The following MOK variants were observed in gnomAD, a reference collection of about 807,000 sequenced individuals.
MOK encodes MAPK/MAK/MRK overlapping kinase.
MOK carries 59 observed loss-of-function variants against 54.2 expected under a neutral mutation model. The ratio of observed to expected loss-of-function variants is 1.09; its 90% CI spans 0.88 to 1.35. MOK has a LOEUF of 1.35. Among genes scored for constraint, MOK ranks in the 40% most tolerant of loss-of-function variants. MOK has a pLI of 0.00. For missense variants in MOK, 517 were observed against 526.2 expected, an observed-to-expected ratio of 0.98 and a Z score of 0.17; for synonymous variants, 210 against 202.7, an observed-to-expected ratio of 1.04 and a Z score of -0.31.
chr14:102,282,603 G>A (rs1458990666), intron 2 of MOK, among the ~76,000 whole-genome samples: 1 of 151,990 alleles, frequency 6.6e-6, no homozygotes, highest in Non-Finnish European at 1.5e-5. Context: ...GGCGTGTGGT[G>A]TGCTCCTGTG....
intron 4 of MOK, 45 bp downstream of exon 4, chr14:102,263,501 C>T: frequency 7.3e-7 from 1 of 1,367,178 alleles, no homozygotes; most frequent in Non-Finnish European, 1.0e-6. Context: ...GAATTACAAG[C>T]CTTAAAAGAG....
At position 102,229,271 on chromosome 14, in the gene MOK, G is replaced by A; in HGVS notation, c.*18C>T. On this transcript the variant is annotated 3_prime_UTR_variant, in exon 12 of 12. Transcript: ENST00000361847. The stretch of plus-strand genomic sequence containing the variant: ...GGCTTGGTGTTGCCTCCGAAGTCGA[G>A]ACGACGGTGCTGCTCAGTTATCTTC... The A allele has an allele frequency of 6.4e-7, 1 of 1,571,854 alleles. No homozygotes were observed. Among genetic ancestry groups the A allele is most frequent in the Non-Finnish European group, 8.6e-7 (1 of 1,157,194 alleles).
intron 1 of MOK, among the ~76,000 whole-genome samples, chr14:102,296,262 A>T (rs1027448685): frequency 1.3e-5 from 2 of 151,688 alleles, no homozygotes; most frequent in Admixed American, 1.3e-4. Context: ...AAAAAAAAAA[A>T]ATAGCAAGAT....
chr14:102,227,805 G>A (rs1019102720), downstream of MOK, among the ~76,000 whole-genome samples: 8 of 152,256 alleles, frequency 5.3e-5, no homozygotes, highest in African/African-American at 1.7e-4. Context: ...CATCTCCTGC[G>A]GCCCCGCTGT....
At chr14:102,286,837 G>A (rs889531104) in intron 1 of MOK, among the ~76,000 whole-genome samples, 1 of 151,676 alleles carries the variant, frequency 6.6e-6, no homozygotes, top group Non-Finnish European at 1.5e-5. Context: ...TTCAACCAGG[G>A]AAGTGGAGGT....
At chr14:102,265,781 T>C (rs559219546) in intron 3 of MOK, 42 bp downstream of exon 3, 1 of 1,485,164 alleles carries the variant, frequency 6.7e-7, no homozygotes, top group Non-Finnish European at 9.4e-7. Flanking sequence ...GAGATTATTT[T>C]CATCAAATTT....
chr14:102,291,174 C>A (rs1435394518), intron 1 of MOK, among the ~76,000 whole-genome samples: 1 of 152,242 alleles, frequency 6.6e-6, no homozygotes, highest in East Asian at 1.9e-4. Flanking sequence ...TGACAAAAAA[C>A]CGGAAGCCAT....
chr14:102,271,405 A>C (rs557252726), intron 2 of MOK, among the ~76,000 whole-genome samples: 16 of 152,244 alleles, frequency 1.1e-4, no homozygotes, highest in African/African-American at 3.6e-4. Flanking sequence ...CCTTCCCCAC[A>C]AGGAAAACTC....
chr14:102,294,692 A>G (rs1394170028), intron 1 of MOK, among the ~76,000 whole-genome samples: 1 of 152,146 alleles, frequency 6.6e-6, no homozygotes, highest in Non-Finnish European at 1.5e-5. Flanking sequence ...GGACTAAGGA[A>G]TTCAGATTTA....
At position 102,294,274 on chromosome 14, in the gene MOK, G is replaced by A. The variant is rs568153728; in HGVS notation, c.8-10682C>T. On this transcript the variant is annotated intron_variant, in intron 1 of 11. Coordinates refer to ENST00000361847, the MANE Select transcript of MOK (RefSeq NM_014226.3). Reference sequence around the variant, plus strand: ...ATCCTGGCTAACATGGTGAAACCCCGTCTCTACTAAAAATACAAAAAATTA... The same window carrying A: ...ATCCTGGCTAACATGGTGAAACCCCATCTCTACTAAAAATACAAAAAATTA... Among the ~76,000 whole-genome samples, 23 of 152,046 alleles carry A rather than the reference G, an allele frequency of 1.5e-4. 1 individual carries two copies. Among genetic ancestry groups the A allele is most frequent in the Middle Eastern group, 3.4e-3 (1 of 294 alleles).
At chr14:102,244,937 A>G (rs143836334) in intron 7 of MOK, among the ~76,000 whole-genome samples, 13,066 of 151,738 alleles carry the variant, frequency 0.086, 613 homozygotes, top group African/African-American at 0.12. Flanking sequence ...ACCTCACCAA[A>G]CTCAGCCTCC....
intron 2 of MOK, among the ~76,000 whole-genome samples, chr14:102,270,080 C>A (rs971472842): frequency 1.3e-5 from 2 of 152,160 alleles, no homozygotes; most frequent in African/African-American, 4.8e-5. Context: ...ACAACATGTT[C>A]TCAGACCACA....
At chr14:102,218,213 G>A in the MOK span, among the ~76,000 whole-genome samples, 4 of 152,264 alleles carry the variant, frequency 2.6e-5, no homozygotes, top group Non-Finnish European at 5.9e-5. Context: ...GACCTTGGGG[G>A]TTGAATGACC....
At chr14:102,271,853 C>G (rs534475749) in intron 2 of MOK, among the ~76,000 whole-genome samples, 1 of 152,180 alleles carries the variant, frequency 6.6e-6, no homozygotes, top group East Asian at 1.9e-4. Context: ...GCCACTGCAC[C>G]CAGCCGCAAA....
At chr14:102,233,401 A>G (rs1213498566) in intron 8 of MOK, 3 of 365,962 alleles carry the variant, frequency 8.2e-6, no homozygotes, top group Non-Finnish European at 1.5e-5. Flanking sequence ...AAAGGCTTCT[A>G]AGTCCTGTTT....
downstream of MOK, among the ~76,000 whole-genome samples, chr14:102,226,915 G>A (rs1338474901): frequency 2.6e-5 from 4 of 152,294 alleles, no homozygotes; most frequent in East Asian, 1.9e-4. This position sits in a 1 kb window ranked among gnomAD's most constrained non-coding sequence, Gnocchi z 4.8. Context: ...GGGCCCTGGC[G>A]TGCCGGGCTC....
At chr14:102,298,554 G>C (rs1303877973) in intron 1 of MOK, among the ~76,000 whole-genome samples, 1 of 152,080 alleles carries the variant, frequency 6.6e-6, no homozygotes, top group African/African-American at 2.4e-5. Flanking sequence ...GTCTAGCTCA[G>C]GGATTGTAAA....
rs919988163 is a variant in MOK at position 102,273,153 on chromosome 14, G to C, written c.123-7241C>G. 3.2e-4 allele frequency among the ~76,000 whole-genome samples: 49 copies of C among 151,464 alleles called. 2 individuals carry two copies. ...CCACTGCACTCCAGCATGGGCAACAGAGCAAAACTCCGTCTCAAAAAAAAA... is the reference window on the plus strand; with the variant it reads ...CCACTGCACTCCAGCATGGGCAACACAGCAAAACTCCGTCTCAAAAAAAAA... On this transcript the variant is annotated intron_variant, in intron 2 of 11. Transcript: ENST00000361847.
At chr14:102,227,547 C>G (rs988883481), downstream of MOK, among the ~76,000 whole-genome samples, 1 of 152,194 alleles carries the variant, frequency 6.6e-6, no homozygotes. Context: ...CGGGGAAAGG[C>G]CTGCACTGCA....
Sources: allele counts gnomAD v4.1 joint callset (sites outside exome capture counted in the v4.1 genomes callset), GRCh38; gene constraint gnomAD v4.1.1; non-coding constraint Gnocchi (gnomAD v3.1); transcripts MANE v1.5; gene names NCBI Gene and HGNC (gene_info 2026-07-23, HGNC 2026-07-21).